The following EPSTI1 variants were observed in gnomAD, a reference collection of about 807,000 sequenced individuals.
EPSTI1 encodes epithelial-stromal interaction protein 1.
EPSTI1 carries 66 observed loss-of-function variants against 49.9 expected under a neutral mutation model. That is an observed-to-expected ratio of 1.32 (90% CI 1.08 to 1.62). The LOEUF (loss-of-function observed/expected upper bound fraction) is 1.62, where lower values mean the gene tolerates loss of function less well. Among genes scored for constraint, EPSTI1 ranks in the 40% most tolerant of loss-of-function variants. The pLI, the probability that EPSTI1 is intolerant of heterozygous loss-of-function variation, is 0.00. For synonymous variants in EPSTI1, 137 were observed against 130.7 expected (o/e 1.05, Z -0.33); for missense variants, 394 against 365.5 (o/e 1.08, Z -0.64).
intron 8 of EPSTI1, among the ~76,000 whole-genome samples, chr13:42,904,756 TGATAAAA>T (rs1476140859): frequency 1.2e-4 from 18 of 152,152 alleles, no homozygotes; most frequent in African/African-American, 4.1e-4. Context: ...ATACATTAAG[TGATAAAA>T]GATAGGTTCA....
chr13:42,937,312 G>A (rs991374511), intron 6 of EPSTI1, among the ~76,000 whole-genome samples: 4 of 152,194 alleles, frequency 2.6e-5, no homozygotes, highest in Non-Finnish European at 5.9e-5. Context: ...TAATCAGGGT[G>A]GTAGTTGCTA....
chr13:42,938,914 C>CAAAAAAAAAAAAAAAAAA (rs57079104), intron 6 of EPSTI1, among the ~76,000 whole-genome samples: 1,807 of 59,482 alleles, frequency 0.03, 273 homozygotes, highest in East Asian at 0.11. Context: ...GACTCTGTCT[C>CAAAAAAAAAAAAAAAAAA]AAAAAAAAAA....
chr13:42,895,212 C>A, intron 9 of EPSTI1, 104 bp from the exon 10 acceptor site: 1 of 802,976 alleles, frequency 1.2e-6, no homozygotes. Flanking sequence ...GGATAGCTTC[C>A]TGGCTTCAGC....
chr13:42,931,847 T>C (rs2038385436), intron 6 of EPSTI1, among the ~76,000 whole-genome samples: 1 of 152,230 alleles, frequency 6.6e-6, no homozygotes, highest in Non-Finnish European at 1.5e-5. Flanking sequence ...TTATAGTTTT[T>C]TCCAGTGAGC....
At chr13:42,891,941 T>C (rs2037047453) in intron 10 of EPSTI1, among the ~76,000 whole-genome samples, 1 of 152,056 alleles carries the variant, frequency 6.6e-6, no homozygotes. Flanking sequence ...GAGGGGAGCC[T>C]AGAAAGGGGA....
chr13:42,908,081 C>CA (rs2037549386), intron 8 of EPSTI1, among the ~76,000 whole-genome samples: 1 of 152,034 alleles, frequency 6.6e-6, no homozygotes, highest in Non-Finnish European at 1.5e-5. Flanking sequence ...TCATCACATA[C>CA]AAAAAACAAC....
chr13:42,944,313 T>C (rs1023325614), intron 6 of EPSTI1, among the ~76,000 whole-genome samples: 7 of 152,166 alleles, frequency 4.6e-5, no homozygotes, highest in South Asian at 2.1e-4. Flanking sequence ...ATGTGGCACA[T>C]ATACACCATG....
intron 3 of EPSTI1, among the ~76,000 whole-genome samples, chr13:42,966,672 A>G (rs1252105508): frequency 2.8e-5 from 2 of 71,074 alleles, no homozygotes; most frequent in African/African-American, 4.4e-5. Flanking sequence ...CCCGGCAGCC[A>G]CCCCGGCCGG....
intron 9 of EPSTI1, among the ~76,000 whole-genome samples, chr13:42,898,588 A>G (rs2153410688): frequency 6.6e-6 from 1 of 152,340 alleles, no homozygotes. Flanking sequence ...GAAAGAAAAA[A>G]TAACGTATAG....
intron 6 of EPSTI1, among the ~76,000 whole-genome samples, chr13:42,939,868 T>C (rs1266452119): frequency 6.6e-6 from 1 of 152,144 alleles, no homozygotes; most frequent in Non-Finnish European, 1.5e-5. Context: ...TAAAGCAAAG[T>C]GCAATAAAAC....
chr13:42,935,057 C>T (rs925561259), intron 6 of EPSTI1, among the ~76,000 whole-genome samples: 29 of 152,164 alleles, frequency 1.9e-4, no homozygotes, highest in African/African-American at 6.5e-4. Flanking sequence ...TTCTTCACTC[C>T]ACCTCAGCCA....
At chr13:42,894,417 T>C (rs551733399) in intron 10 of EPSTI1, among the ~76,000 whole-genome samples, 1 of 152,346 alleles carries the variant, frequency 6.6e-6, no homozygotes, top group African/African-American at 2.4e-5. Flanking sequence ...CACAATTATA[T>C]ATGTTCCAAA....
Position 42,955,883 on chromosome 13 carries a change from G to C in EPSTI1, c.490-1862C>G, listed in dbSNP as rs112428529. 1.4e-4 allele frequency among the ~76,000 whole-genome samples: 20 copies of C among 144,604 alleles called. 1 individual carries two copies. Among genetic ancestry groups the C allele is most frequent in the South Asian group, 7.1e-4 (3 of 4,228 alleles). 94.9% of individuals were successfully genotyped at this position (144,604 alleles called of 152,430 possible). A position where few individuals can be genotyped will look rare whatever the true frequency, so the allele number is the denominator to read the frequency against. On this transcript the variant is annotated intron_variant, in intron 5 of 10. Transcript: ENST00000313624. ...TAGTTGATGAAGAAGTATTTGGGGG[G>C]GGGGGGAAGTAGTAGTAGTAGTATT...
chr13:42,935,894 C>T (rs1000958691), intron 6 of EPSTI1, among the ~76,000 whole-genome samples: 1 of 152,050 alleles, frequency 6.6e-6, no homozygotes, highest in African/African-American at 2.4e-5. Flanking sequence ...GCCCGGCCCA[C>T]TCATGAATTC....
chr13:42,974,201 T>C (rs1304424407), intron 1 of EPSTI1, among the ~76,000 whole-genome samples: 1 of 151,734 alleles, frequency 6.6e-6, no homozygotes, highest in African/African-American at 2.4e-5. Context: ...CCGGGTGTGA[T>C]AGCACACGCC....
intron 3 of EPSTI1, among the ~76,000 whole-genome samples, chr13:42,965,929 A>G (rs369185017): frequency 3.6e-5 from 2 of 55,112 alleles, no homozygotes; most frequent in African/African-American, 5.1e-5. Context: ...GAATGCCTGC[A>G]ATTGCAGGCA....
chr13:42,890,068 G>T lies in EPSTI1; in HGVS notation c.916-1566C>A, dbSNP rs183972368. Reference sequence around the variant, plus strand: ...AAAAACTAAAAAATTCAGAAATGTTGGGTGTGCTGGGCCAACTGCATACCG... The same window carrying T: ...AAAAACTAAAAAATTCAGAAATGTTTGGTGTGCTGGGCCAACTGCATACCG... On this transcript the variant is annotated intron_variant, in intron 10 of 10. Transcript: ENST00000313624. Among the ~76,000 whole-genome samples the T allele has an allele frequency of 7.0e-4, 106 of 152,216 alleles. No homozygotes were observed. The East Asian group carries it at 0.013, about 19-fold the overall frequency.
At chr13:42,895,604 G>A (rs1215852059) in intron 9 of EPSTI1, among the ~76,000 whole-genome samples, 2 of 152,178 alleles carry the variant, frequency 1.3e-5, no homozygotes, top group Non-Finnish European at 2.9e-5. Context: ...AATGGAAGGT[G>A]AGCTTATATT....
intron 1 of EPSTI1, among the ~76,000 whole-genome samples, chr13:42,974,091 T>G (rs969186620): frequency 3.9e-5 from 6 of 152,094 alleles, no homozygotes; most frequent in African/African-American, 1.2e-4. Flanking sequence ...ATCTCAGCAC[T>G]TTGGGGGGCT....
Sources: allele counts gnomAD v4.1 joint callset (sites outside exome capture counted in the v4.1 genomes callset), GRCh38; gene constraint gnomAD v4.1.1; transcripts MANE v1.5; gene names NCBI Gene and HGNC (gene_info 2026-07-23, HGNC 2026-07-21).